KCNIP1: variants seen among roughly 807,000 people sequenced by gnomAD.
KCNIP1 encodes the protein A-type potassium channel modulatory protein KCNIP1.
A neutral mutation model predicts 33.0 loss-of-function variants in KCNIP1; 18 were observed. The ratio of observed to expected loss-of-function variants is 0.55; its 90% CI spans 0.38 to 0.81. KCNIP1 has a LOEUF of 0.81. Ranked by LOEUF, KCNIP1 falls within the 30% of genes least tolerant of loss-of-function variation. The pLI is 0.00. For synonymous variants in KCNIP1, 93 were observed against 98.3 expected (o/e 0.95, Z 0.32); for missense variants, 238 against 271.6 (o/e 0.88, Z 0.87).
chr5:170,630,187 A>G (rs1581419706), intron 1 of KCNIP1, among the ~76,000 whole-genome samples: 1 of 152,208 alleles, frequency 6.6e-6, no homozygotes. Flanking sequence ...TTTCCCCACC[A>G]TGTCAGACAA....
chr5:170,639,483 T>C (rs941309623), intron 1 of KCNIP1: 3 of 152,276 alleles, frequency 2.0e-5, no homozygotes, highest in Non-Finnish European at 4.4e-5. Context: ...TGGGTTGGGA[T>C]CCTGGCTCTG....
At chr5:170,511,315 C>T (rs1754924629) in intron 1 of KCNIP1, among the ~76,000 whole-genome samples, 1 of 152,262 alleles carries the variant, frequency 6.6e-6, no homozygotes, top group South Asian at 2.1e-4. Context: ...GGTGAGTTGG[C>T]AGTGCTGGCT....
intron 1 of KCNIP1, among the ~76,000 whole-genome samples, chr5:170,551,903 A>T (rs955583148): frequency 6.7e-6 from 1 of 149,264 alleles, no homozygotes; most frequent in African/African-American, 2.5e-5. Context: ...CGAGTGTGTG[A>T]GTGTGTGTAT....
intron 1 of KCNIP1, among the ~76,000 whole-genome samples, chr5:170,496,135 C>G (rs750452179): frequency 9.9e-5 from 15 of 152,146 alleles, no homozygotes; most frequent in Non-Finnish European, 1.5e-4. Flanking sequence ...CTGCAGGAGC[C>G]GAAGAGGGAA....
At chr5:170,393,532 C>T (rs1230861664) in intron 1 of KCNIP1, among the ~76,000 whole-genome samples, 2 of 152,128 alleles carry the variant, frequency 1.3e-5, no homozygotes, top group Admixed American at 6.5e-5. Context: ...TGCAGAAAAG[C>T]GATGCCAGAT....
chr5:170,543,241 AG>A (rs1756281858), intron 1 of KCNIP1, among the ~76,000 whole-genome samples: 1 of 152,196 alleles, frequency 6.6e-6, no homozygotes, highest in Admixed American at 6.5e-5. Context: ...GATGTTTATC[AG>A]GTAAAAGAAA....
chr5:170,685,359 A>T (rs1164418096), intron 1 of KCNIP1, among the ~76,000 whole-genome samples: 1 of 150,074 alleles, frequency 6.7e-6, no homozygotes, highest in African/African-American at 2.5e-5. Flanking sequence ...TCCAGATCCC[A>T]CTCTGCCAAC....
In KCNIP1 at chr5:170,733,137, C is replaced by G. The variant is rs558253454; in HGVS notation, c.540+233C>G. 2.6e-5 allele frequency among the ~76,000 whole-genome samples: 4 copies of G among 152,322 alleles called. No homozygotes were observed. In the South Asian group the frequency reaches 6.2e-4, roughly 24 times the overall value. ...AAACGCTAGTGGTATAGTATGAACT[C>G]TAAATCCATAAAAATTTGGGGATCA... On this transcript the variant is annotated intron_variant, in intron 6 of 7. Transcript: ENST00000328939.
chr5:170,624,938 A>G (rs902004025), intron 1 of KCNIP1, among the ~76,000 whole-genome samples: 6 of 152,182 alleles, frequency 3.9e-5, no homozygotes, highest in Non-Finnish European at 7.4e-5. Flanking sequence ...GCTGACTGGA[A>G]TGTTCTCCAG....
intron 1 of KCNIP1, among the ~76,000 whole-genome samples, chr5:170,510,894 G>A (rs1032216469): frequency 2.0e-5 from 3 of 152,122 alleles, no homozygotes; most frequent in Non-Finnish European, 4.4e-5. Flanking sequence ...GCCTTTCCAG[G>A]CCTCAGTTTC....
At chr5:170,422,658 A>G (rs1239439244) in intron 1 of KCNIP1, 2 of 152,248 alleles carry the variant, frequency 1.3e-5, no homozygotes, top group African/African-American at 4.8e-5. Flanking sequence ...GGTCTTTGAC[A>G]TAATACAGAA....
intron 1 of KCNIP1, among the ~76,000 whole-genome samples, chr5:170,632,187 T>G (rs564694521): frequency 2.4e-4 from 36 of 152,158 alleles, no homozygotes; most frequent in Admixed American, 5.9e-4. Context: ...CCTTTGCTTC[T>G]GCCTCCAAGA....
intron 1 of KCNIP1, among the ~76,000 whole-genome samples, chr5:170,697,313 T>G (rs1015209537): frequency 6.6e-6 from 1 of 152,234 alleles, no homozygotes; most frequent in South Asian, 2.1e-4. Context: ...AAGTCCCTCA[T>G]GCACCAAATC....
At chr5:170,501,687 T>C (rs1757416396), upstream of KCNIP1, among the ~76,000 whole-genome samples, 2 of 152,170 alleles carry the variant, frequency 1.3e-5, no homozygotes, top group Admixed American at 6.5e-5. Context: ...ACCATGAAAA[T>C]TAGCAGAGCC....
chr5:170,615,989 A>G (rs1017460677), intron 1 of KCNIP1, among the ~76,000 whole-genome samples: 1 of 152,168 alleles, frequency 6.6e-6, no homozygotes, highest in Admixed American at 6.5e-5. Context: ...CAGGACTGAG[A>G]TGTTTGGGAA....
intron 1 of KCNIP1, among the ~76,000 whole-genome samples, chr5:170,650,763 T>C (rs943070624): frequency 6.6e-6 from 1 of 152,196 alleles, no homozygotes; most frequent in African/African-American, 2.4e-5. Context: ...CCAAAGTAGA[T>C]GTAGCATTTT....
intron 1 of KCNIP1, among the ~76,000 whole-genome samples, chr5:170,551,867 A>AGT (rs35691232): frequency 0.16 from 23,994 of 149,108 alleles, 2,157 homozygotes; most frequent in African/African-American, 0.25. Flanking sequence ...TGTGTGTTTG[A>AGT]GTGTGTGTGT....
chr5:170,733,809 T>C, intron 6 of KCNIP1, 27 bp from the exon 7 acceptor site: 1 of 1,592,052 alleles, frequency 6.3e-7, no homozygotes, highest in Non-Finnish European at 8.6e-7. Context: ...CCAGATTCTG[T>C]AAAGTGCTTT....
intron 1 of KCNIP1, chr5:170,377,138 C>T (rs1350477568): frequency 6.6e-6 from 1 of 152,332 alleles, no homozygotes; most frequent in East Asian, 1.9e-4. Flanking sequence ...AGGACTGGCC[C>T]TGCCGAATGG....
Sources: gnomAD v4.1 joint callset for allele counts (sites outside exome capture counted in the v4.1 genomes callset) on GRCh38, gnomAD v4.1.1 for gene constraint, MANE v1.5 for transcripts, NCBI Gene and HGNC (gene_info 2026-07-23, HGNC 2026-07-21) for gene names.